PPP1R9A: variants seen among roughly 807,000 people sequenced by gnomAD.
PPP1R9A encodes the protein neurabin-1.
Under a neutral mutation model 141.9 loss-of-function variants are expected in PPP1R9A, and 59 were observed. The ratio of observed to expected loss-of-function variants is 0.42; its 90% CI spans 0.34 to 0.52. The LOEUF is 0.52. Ranked by LOEUF, PPP1R9A falls within the 20% of genes least tolerant of loss-of-function variation. PPP1R9A has a pLI of 0.10. For missense variants in PPP1R9A, 1,444 were observed against 1,611.9 expected, an observed-to-expected ratio of 0.90 and a Z score of 1.78; for synonymous variants, 500 against 569.7, an observed-to-expected ratio of 0.88 and a Z score of 1.74.
chr7:95,184,569 C>G (rs1834343777), intron 5 of PPP1R9A, among the ~76,000 whole-genome samples: 1 of 152,084 alleles, frequency 6.6e-6, no homozygotes, highest in South Asian at 2.1e-4. Flanking sequence ...ACCCATCACC[C>G]AAGCAGTGTA....
At chr7:95,182,990 G>A (rs2695700) in intron 5 of PPP1R9A, among the ~76,000 whole-genome samples, 92,610 of 151,914 alleles carry the variant, frequency 0.61, 28,966 homozygotes, top group African/African-American at 0.76. Flanking sequence ...GAGAAATGTT[G>A]TTCCTGGAAG....
intron 2 of PPP1R9A, among the ~76,000 whole-genome samples, chr7:95,043,286 T>C (rs572076975): frequency 8.5e-5 from 13 of 152,324 alleles, no homozygotes; most frequent in Non-Finnish European, 1.8e-4. Context: ...GTAAGACATA[T>C]CTGCCTTGAA....
At chr7:95,037,104 A>C (rs1400326563) in intron 2 of PPP1R9A, 3 of 152,148 alleles carry the variant, frequency 2.0e-5, no homozygotes, top group Admixed American at 1.3e-4. Flanking sequence ...GATTTGCTTT[A>C]AAGTACTCTG....
At chr7:94,947,175 C>G (rs1041458152) in intron 2 of PPP1R9A, among the ~76,000 whole-genome samples, 50 of 152,112 alleles carry the variant, frequency 3.3e-4, no homozygotes, top group African/African-American at 1.1e-3. Context: ...ATATGCTCAC[C>G]CTCTGGAGCT....
chr7:94,930,493 A>G (rs563936810), intron 2 of PPP1R9A, among the ~76,000 whole-genome samples: 2 of 152,106 alleles, frequency 1.3e-5, no homozygotes, highest in African/African-American at 4.8e-5. Flanking sequence ...GCCCCCAAAC[A>G]ATGCCTGGCT....
intron 2 of PPP1R9A, among the ~76,000 whole-genome samples, chr7:94,994,758 G>T (rs900128034): frequency 6.6e-6 from 1 of 151,982 alleles, no homozygotes; most frequent in African/African-American, 2.4e-5. Flanking sequence ...GCTGGGCATG[G>T]TGGTGTGCAC....
At chr7:94,994,905 CAA>C (rs1239840065) in intron 2 of PPP1R9A, among the ~76,000 whole-genome samples, 1 of 151,016 alleles carries the variant, frequency 6.6e-6, no homozygotes, top group African/African-American at 2.4e-5. Flanking sequence ...AAAAAAAACA[CAA>C]AAAACCCACA....
At chr7:95,098,030 C>G (rs978163246) in intron 2 of PPP1R9A, among the ~76,000 whole-genome samples, 6 of 152,240 alleles carry the variant, frequency 3.9e-5, no homozygotes, top group African/African-American at 1.4e-4. Context: ...GAAACTTCAG[C>G]TCTGCTCTTC....
chr7:95,169,289 A>G (rs1831747293), intron 5 of PPP1R9A, among the ~76,000 whole-genome samples: 1 of 152,030 alleles, frequency 6.6e-6, no homozygotes, highest in Admixed American at 6.6e-5. Flanking sequence ...CCAGACACAG[A>G]GAGACAACTA....
chr7:95,118,997 A>G (rs1477662302), intron 3 of PPP1R9A, among the ~76,000 whole-genome samples: 8 of 148,450 alleles, frequency 5.4e-5, no homozygotes, highest in Non-Finnish European at 1.0e-4. Flanking sequence ...AAAAAAAAAA[A>G]AGAAGAAGAA....
At chr7:94,984,958 T>C (rs537494065) in intron 2 of PPP1R9A, among the ~76,000 whole-genome samples, 2 of 152,316 alleles carry the variant, frequency 1.3e-5, no homozygotes, top group African/African-American at 4.8e-5. Context: ...CTGCTTTCTC[T>C]TGTGGGCATT....
At chr7:95,078,845 A>G (rs1023981980) in intron 2 of PPP1R9A, among the ~76,000 whole-genome samples, 7 of 151,168 alleles carry the variant, frequency 4.6e-5, no homozygotes, top group African/African-American at 1.7e-4. Flanking sequence ...TTTTCTTGTA[A>G]ATTTGTTTGA....
chr7:95,095,169 CAGA>C (rs1173038303), intron 2 of PPP1R9A, among the ~76,000 whole-genome samples: 1 of 152,182 alleles, frequency 6.6e-6, no homozygotes, highest in African/African-American at 2.4e-5. Context: ...GTAGGAGGTA[CAGA>C]TGATTGCTGC....
intron 2 of PPP1R9A, among the ~76,000 whole-genome samples, chr7:95,067,245 A>G (rs1317895430): frequency 6.6e-6 from 1 of 152,228 alleles, no homozygotes; most frequent in East Asian, 1.9e-4. Context: ...GAATCCAGGA[A>G]ATGGGATCCA....
At chr7:95,014,407 GC>G (rs1257508009) in intron 2 of PPP1R9A, among the ~76,000 whole-genome samples, 1 of 151,952 alleles carries the variant, frequency 6.6e-6, no homozygotes, top group Non-Finnish European at 1.5e-5. Context: ...CTCATGATTA[GC>G]TTTCAATTTA....
intron 2 of PPP1R9A, chr7:95,036,489 A>G (rs1808441019): frequency 6.6e-6 from 1 of 152,184 alleles, no homozygotes; most frequent in South Asian, 2.1e-4. Context: ...AGCCAGTTAT[A>G]GCTAATATGG....
intron 7 of PPP1R9A, among the ~76,000 whole-genome samples, chr7:95,214,763 G>T (rs1015979842): frequency 6.6e-6 from 1 of 152,012 alleles, no homozygotes; most frequent in Non-Finnish European, 1.5e-5. Context: ...TTGAGTTGTC[G>T]GAAAATATTT....
chr7:95,037,358 T>C (rs1419463600), intron 2 of PPP1R9A, among the ~76,000 whole-genome samples: 1 of 152,168 alleles, frequency 6.6e-6, no homozygotes, highest in Non-Finnish European at 1.5e-5. Context: ...TTTAAATTAG[T>C]GATTACATTC....
intron 18 of PPP1R9A, chr7:95,287,032 A>T: frequency 6.9e-7 from 1 of 1,449,166 alleles, no homozygotes; most frequent in Non-Finnish European, 9.6e-7. Flanking sequence ...ATTTTATTAA[A>T]ATTATGTACT....
Sources: allele counts gnomAD v4.1 joint callset (sites outside exome capture counted in the v4.1 genomes callset), GRCh38; gene constraint gnomAD v4.1.1; transcripts MANE v1.5; gene names NCBI Gene and HGNC (gene_info 2026-07-23, HGNC 2026-07-21).